RTL4: variants seen among roughly 807,000 people sequenced by gnomAD.
RTL4 encodes the protein retrotransposon Gag like 4.
Under a neutral mutation model 5.3 loss-of-function variants are expected in RTL4, and 4 were observed. The observed-to-expected ratio is 0.75, with a 90% CI of 0.37 to 1.72. The LOEUF (loss-of-function observed/expected upper bound fraction) is 1.72. Among genes scored for constraint, RTL4 ranks in the 40% most tolerant of loss-of-function variants. RTL4 has a pLI of 0.04. For missense variants in RTL4, 260 were observed against 227.1 expected (o/e 1.14, Z -0.93); for synonymous variants, 98 against 87.3 (o/e 1.12, Z -0.68).
chrX:112,445,997 A>G, the RTL4 span, among the ~76,000 whole-genome samples: 1 of 111,542 alleles, frequency 9.0e-6, no homozygotes, highest in African/African-American at 3.3e-5. Flanking sequence ...ATGAAAAGGA[A>G]GAGTTCTAAT....
chrX:112,197,605 G>A, the RTL4 span, among the ~76,000 whole-genome samples: 1 of 111,221 alleles, frequency 9.0e-6, no homozygotes, highest in African/African-American at 3.3e-5. Flanking sequence ...CAAAGCTTTT[G>A]GAGGGCCTTT....
chrX:112,206,468 C>G, the RTL4 span, among the ~76,000 whole-genome samples: 2 of 111,298 alleles, frequency 1.8e-5, no homozygotes, highest in African/African-American at 6.5e-5. Context: ...GGTAACCACA[C>G]TCTCCTTCCC....
chrX:112,393,229 A>T, the RTL4 span, among the ~76,000 whole-genome samples: 1 of 94,694 alleles, frequency 1.1e-5, no homozygotes, highest in East Asian at 3.2e-4. Context: ...GCTGGAGTGC[A>T]GTGGCGCGAT....
the RTL4 span, among the ~76,000 whole-genome samples, chrX:112,159,243 A>G: frequency 8.9e-6 from 1 of 112,454 alleles, no homozygotes; most frequent in Admixed American, 9.4e-5. Flanking sequence ...GTTTCACTAC[A>G]ACTGTCCTAG....
the RTL4 span, among the ~76,000 whole-genome samples, chrX:112,114,718 T>C: frequency 3.6e-5 from 4 of 111,155 alleles, no homozygotes; most frequent in South Asian, 7.8e-4. Flanking sequence ...AGGAGGAGTA[T>C]CATCAATAGG....
At chrX:112,405,003 G>T in the RTL4 span, among the ~76,000 whole-genome samples, 1 of 111,797 alleles carries the variant, frequency 8.9e-6, no homozygotes, top group Admixed American at 9.5e-5. Context: ...ATATGTGTCT[G>T]CATATGTCAG....
chrX:112,421,195 T>C, the RTL4 span, among the ~76,000 whole-genome samples: 1 of 111,863 alleles, frequency 8.9e-6, no homozygotes, highest in African/African-American at 3.2e-5. Flanking sequence ...CATTAGAGTT[T>C]ATTGACTAAA....
the RTL4 span, among the ~76,000 whole-genome samples, chrX:112,276,325 G>T: frequency 3.6e-5 from 4 of 111,631 alleles, no homozygotes; most frequent in South Asian, 1.5e-3. Context: ...TTCCCAAAGT[G>T]TGTTATGTGT....
chrX:112,336,033 C>T, the RTL4 span, among the ~76,000 whole-genome samples: 12 of 109,747 alleles, frequency 1.1e-4, no homozygotes, highest in East Asian at 1.7e-3. Flanking sequence ...TTAGTAGAGA[C>T]GGGGTTTCAT....
the RTL4 span, among the ~76,000 whole-genome samples, chrX:112,083,079 C>T: frequency 1.8e-5 from 2 of 110,439 alleles, no homozygotes; most frequent in African/African-American, 3.3e-5. Context: ...CAAGTCAACC[C>T]CCGCTGCCCC....
the RTL4 span, among the ~76,000 whole-genome samples, chrX:112,260,701 A>G: frequency 8.9e-6 from 1 of 112,010 alleles, no homozygotes; most frequent in East Asian, 2.8e-4. Flanking sequence ...ACGTATACAC[A>G]TAAGGCCGCT....
the RTL4 span, among the ~76,000 whole-genome samples, chrX:112,273,451 A>G: frequency 1.8e-5 from 2 of 110,642 alleles, no homozygotes; most frequent in South Asian, 7.8e-4. Context: ...ACGGTGTTTC[A>G]CCTTGTTAGC....
the RTL4 span, among the ~76,000 whole-genome samples, chrX:112,192,126 A>C: frequency 1.1e-5 from 1 of 93,815 alleles, no homozygotes; most frequent in African/African-American, 4.4e-5. Flanking sequence ...AATATGCTGC[A>C]CTCATTTAGT....
At chrX:112,373,685 A>AATAT in the RTL4 span, among the ~76,000 whole-genome samples, 71 of 104,628 alleles carry the variant, frequency 6.8e-4, no homozygotes, top group African/African-American at 1.7e-3. Flanking sequence ...TGAATTTTGA[A>AATAT]ATATATATAT....
At chrX:112,326,012 C>A in the RTL4 span, among the ~76,000 whole-genome samples, 3 of 112,112 alleles carry the variant, frequency 2.7e-5, no homozygotes, top group Admixed American at 9.5e-5. Flanking sequence ...TTCTCAAAAG[C>A]AGACATTTAT....
chrX:112,124,878 T>C, the RTL4 span, among the ~76,000 whole-genome samples: 1 of 111,485 alleles, frequency 9.0e-6, no homozygotes, highest in African/African-American at 3.3e-5. Context: ...TTGGAGTATG[T>C]AATCTATTAA....
chrX:112,118,177 T>C, the RTL4 span, among the ~76,000 whole-genome samples: 2 of 112,152 alleles, frequency 1.8e-5, no homozygotes, highest in African/African-American at 6.5e-5. Context: ...ACACAGCTTT[T>C]GAGGGTCAGT....
At chrX:112,329,706 A>C in the RTL4 span, among the ~76,000 whole-genome samples, 1 of 111,107 alleles carries the variant, frequency 9.0e-6, no homozygotes, top group Non-Finnish European at 1.9e-5. Context: ...GACACAACCA[A>C]AAAAGAGAAT....
chrX:112,227,894 T>C, the RTL4 span, among the ~76,000 whole-genome samples: 1 of 111,125 alleles, frequency 9.0e-6, no homozygotes, highest in Middle Eastern at 4.6e-3. Flanking sequence ...AATGGAGGTG[T>C]TGTGGCTCAG....
Sources: gnomAD v4.1 joint callset for allele counts (sites outside exome capture counted in the v4.1 genomes callset) on GRCh38, gnomAD v4.1.1 for gene constraint, MANE v1.5 for transcripts, NCBI Gene and HGNC (gene_info 2026-07-23, HGNC 2026-07-21) for gene names.